SV2C: variants seen among roughly 807,000 people sequenced by gnomAD.
SV2C encodes the protein solute carrier family 22 member B3.
Under a neutral mutation model 79.7 loss-of-function variants are expected in SV2C, and 49 were observed. The observed-to-expected ratio is 0.61, with a 90% CI of 0.49 to 0.78. SV2C has a LOEUF of 0.78. Ranked by LOEUF, SV2C falls within the 30% of genes least tolerant of loss-of-function variation. The pLI, the probability that SV2C is intolerant of heterozygous loss-of-function variation, is 0.00. For synonymous variants in SV2C, 334 were observed against 333.2 expected (o/e 1.00, Z -0.03); for missense variants, 833 against 912.9 (o/e 0.91, Z 1.13).
At chr5:76,049,485 A>ATTG in the SV2C span, among the ~76,000 whole-genome samples, 16 of 152,200 alleles carry the variant, frequency 1.1e-4, no homozygotes, top group Admixed American at 2.6e-4. Context: ...CAATGAGCTT[A>ATTG]TTGTCAATGG....
At chr5:75,993,248 T>C in the SV2C span, among the ~76,000 whole-genome samples, 1 of 152,114 alleles carries the variant, frequency 6.6e-6, no homozygotes, top group Non-Finnish European at 1.5e-5. Context: ...GTTTTTAATG[T>C]TTCAACAAAA....
At chr5:76,033,656 T>C in the SV2C span, among the ~76,000 whole-genome samples, 7 of 152,350 alleles carry the variant, frequency 4.6e-5, no homozygotes, top group South Asian at 4.1e-4. Context: ...TGTAGCCTTG[T>C]AGTATAGTTT....
intron 2 of SV2C, among the ~76,000 whole-genome samples, chr5:76,144,116 G>A (rs554656126): frequency 6.6e-6 from 1 of 152,264 alleles, no homozygotes; most frequent in South Asian, 2.1e-4. Context: ...TCACATCATA[G>A]TAAGATGATA....
At chr5:76,301,245 A>C (rs902853062) in intron 11 of SV2C, 141 bp from the exon 12 acceptor site, 1 of 1,092,174 alleles carries the variant, frequency 9.2e-7, no homozygotes, top group Admixed American at 2.5e-5. Flanking sequence ...AGGTGAATGC[A>C]CCAGTTCTTG....
chr5:75,876,598 G>C, the SV2C span, among the ~76,000 whole-genome samples: 1 of 152,036 alleles, frequency 6.6e-6, no homozygotes, highest in Non-Finnish European at 1.5e-5. Flanking sequence ...AGTTACTAGA[G>C]ATGATAAAGT....
At chr5:76,246,568 C>G (rs1163668187) in intron 4 of SV2C, among the ~76,000 whole-genome samples, 1 of 152,156 alleles carries the variant, frequency 6.6e-6, no homozygotes, top group South Asian at 2.1e-4. Flanking sequence ...TTGTTTGTAA[C>G]TGTGTAAGTA....
the SV2C span, among the ~76,000 whole-genome samples, chr5:76,044,729 A>G: frequency 6.6e-6 from 1 of 152,034 alleles, no homozygotes; most frequent in African/African-American, 2.4e-5. Flanking sequence ...GTTCCTGTTC[A>G]TGTCCTTTGC....
the SV2C span, among the ~76,000 whole-genome samples, chr5:76,037,065 G>A: frequency 6.6e-6 from 1 of 152,044 alleles, no homozygotes; most frequent in African/African-American, 2.4e-5. Flanking sequence ...CATTCTTCAT[G>A]TAGTTCTCGA....
intron 12 of SV2C, among the ~76,000 whole-genome samples, chr5:76,313,427 G>A (rs1748523496): frequency 6.6e-6 from 1 of 152,150 alleles, no homozygotes; most frequent in African/African-American, 2.4e-5. Flanking sequence ...TAGAAGTAGA[G>A]GGTGAAGGGG....
chr5:76,099,240 T>C (rs1336709129), intron 1 of SV2C, among the ~76,000 whole-genome samples: 3 of 152,236 alleles, frequency 2.0e-5, no homozygotes, highest in African/African-American at 4.8e-5. Flanking sequence ...ATTTAAAAAT[T>C]GTATGATCTT....
the SV2C span, among the ~76,000 whole-genome samples, chr5:75,963,045 G>T: frequency 6.6e-6 from 1 of 151,998 alleles, no homozygotes; most frequent in Non-Finnish European, 1.5e-5. Flanking sequence ...AAAAAAAAAT[G>T]TGTAAAATGC....
At chr5:75,960,596 A>G in the SV2C span, among the ~76,000 whole-genome samples, 2 of 151,994 alleles carry the variant, frequency 1.3e-5, no homozygotes, top group South Asian at 2.1e-4. Context: ...TTTACTTTGT[A>G]TAGATCTAAA....
At chr5:75,994,169 G>A in the SV2C span, among the ~76,000 whole-genome samples, 2 of 152,052 alleles carry the variant, frequency 1.3e-5, no homozygotes, top group Non-Finnish European at 2.9e-5. Flanking sequence ...TGGTACACAT[G>A]AGCAAATTTA....
At chr5:76,175,041 C>A (rs1195714557) in intron 2 of SV2C, among the ~76,000 whole-genome samples, 1 of 152,118 alleles carries the variant, frequency 6.6e-6, no homozygotes, top group African/African-American at 2.4e-5. Context: ...CCTCACAGTT[C>A]TTGAGAGAGG....
At chr5:76,212,897 T>G (rs1423476398) in intron 4 of SV2C, among the ~76,000 whole-genome samples, 4 of 152,194 alleles carry the variant, frequency 2.6e-5, no homozygotes, top group African/African-American at 9.7e-5. Flanking sequence ...ATCACCACTT[T>G]CCTTTTTCCA....
At chr5:76,228,953 T>G (rs7443699) in intron 4 of SV2C, among the ~76,000 whole-genome samples, 2 of 152,022 alleles carry the variant, frequency 1.3e-5, no homozygotes, top group African/African-American at 2.4e-5. Context: ...TTCCATTCCA[T>G]TGGGCTGACA....
At chr5:76,175,915 G>T (rs1030352811) in intron 2 of SV2C, among the ~76,000 whole-genome samples, 4 of 152,076 alleles carry the variant, frequency 2.6e-5, no homozygotes, top group Non-Finnish European at 5.9e-5. Flanking sequence ...CAGAATCTCC[G>T]CATGGGGATG....
chr5:76,150,801 C>T (rs1466304090), intron 2 of SV2C, among the ~76,000 whole-genome samples: 1 of 151,724 alleles, frequency 6.6e-6, no homozygotes, highest in Admixed American at 6.6e-5. Flanking sequence ...ACACGCTTGG[C>T]TAATTTTTTT....
At chr5:76,207,229 G>A (rs1210426287) in intron 3 of SV2C, among the ~76,000 whole-genome samples, 2 of 151,994 alleles carry the variant, frequency 1.3e-5, no homozygotes, top group Non-Finnish European at 2.9e-5. Context: ...GGTCCAGAGG[G>A]TCTGGCATAT....
Sources: allele counts gnomAD v4.1 joint callset (sites outside exome capture counted in the v4.1 genomes callset), GRCh38; gene constraint gnomAD v4.1.1; transcripts MANE v1.5; gene names NCBI Gene and HGNC (gene_info 2026-07-23, HGNC 2026-07-21).